The following PARG variants were observed in gnomAD, a reference collection of about 807,000 sequenced individuals.
PARG encodes mitochondrial poly(ADP-ribose) glycohydrolase.
A neutral mutation model predicts 113.0 loss-of-function variants in PARG; 35 were observed. That is an observed-to-expected ratio of 0.31 (90% CI 0.24 to 0.41). PARG has a LOEUF of 0.41. Among genes scored for constraint, PARG ranks in the 10% least tolerant of loss-of-function variants. PARG has a pLI of 1.00. For missense variants in PARG, 797 were observed against 1,169.4 expected, an observed-to-expected ratio of 0.68 and a Z score of 4.64; for synonymous variants, 330 against 409.9, an observed-to-expected ratio of 0.81 and a Z score of 2.36.
At chr10:49,849,755 G>T (rs1296716913) in intron 13 of PARG, among the ~76,000 whole-genome samples, 1 of 152,132 alleles carries the variant, frequency 6.6e-6, no homozygotes, top group African/African-American at 2.4e-5. Flanking sequence ...GCTCATGCCG[G>T]TAAGCCCAGC....
At chr10:49,902,819 G>A (rs1439074561) in intron 7 of PARG, among the ~76,000 whole-genome samples, 10 of 151,900 alleles carry the variant, frequency 6.6e-5, no homozygotes, top group African/African-American at 2.4e-4. Flanking sequence ...AATGAGACTC[G>A]GTCTCTACAA....
In PARG at chr10:49,819,321, A is replaced by G. The variant is rs754520626; in HGVS notation, c.*19T>C. ...CGTCTCTGGTGGGAGGTGGGAGGAGATGCTATTCGCTCGGCTCCTCAGGTC... is the reference window on the plus strand; with the variant it reads ...CGTCTCTGGTGGGAGGTGGGAGGAGGTGCTATTCGCTCGGCTCCTCAGGTC... On this transcript the variant is annotated 3_prime_UTR_variant, in exon 18 of 18. Coordinates refer to ENST00000616448, the MANE Select transcript of PARG (RefSeq NM_003631.5). 68 of 1,545,194 alleles carry G rather than the reference A, an allele frequency of 4.4e-5. 2 individuals carry two copies. In the South Asian group the frequency reaches 7.0e-4, roughly 16 times the overall value.
At chr10:49,922,860 T>C (rs541101235) in intron 4 of PARG, among the ~76,000 whole-genome samples, 191 bp from the exon 5 acceptor site, 1 of 152,320 alleles carries the variant, frequency 6.6e-6, no homozygotes, top group African/African-American at 2.4e-5. Context: ...AGATATAGTA[T>C]ATATTCTAGC....
intron 6 of PARG, among the ~76,000 whole-genome samples, chr10:49,921,414 T>G (rs1232125391): frequency 6.6e-6 from 1 of 152,206 alleles, no homozygotes; most frequent in East Asian, 1.9e-4. Context: ...ATAAACAGTC[T>G]GCTTTTCTTT....
intron 4 of PARG, among the ~76,000 whole-genome samples, chr10:49,925,327 G>C (rs1173116271): frequency 6.6e-6 from 1 of 152,116 alleles, no homozygotes; most frequent in Non-Finnish European, 1.5e-5. Flanking sequence ...TTGGTCTTTA[G>C]AAACCCTTCT....
intron 16 of PARG, among the ~76,000 whole-genome samples, chr10:49,826,661 T>C (rs1844373914): frequency 6.6e-6 from 1 of 152,218 alleles, no homozygotes; most frequent in South Asian, 2.1e-4. Flanking sequence ...GTCATGGAAA[T>C]AAATTAGAAA....
At position 49,819,418 on chromosome 10, in the gene PARG, C is replaced by T; in HGVS notation, c.2853G>A (p.Lys951=). ...CAGCATGGTATATGAATGGATAAAG[C>T]TTGATGTCTGGTCCAGGGGTGGAAC... The part of the protein sequence containing the change: ...RNCSTPGPDI[K]LYPFIYHAVE... The change falls in exon 18 of 18, where the codon AAG becomes AAA. Residue 951 remains lysine, a synonymous_variant. Coordinates refer to ENST00000616448, the MANE Select transcript of PARG (RefSeq NM_003631.5). The T allele has an allele frequency of 6.4e-7, 1 of 1,551,430 alleles. No homozygotes were observed. The highest frequency in any genetic ancestry group is 8.7e-7 in the Non-Finnish European group (1 of 1,146,770).
intron 7 of PARG, among the ~76,000 whole-genome samples, chr10:49,888,738 C>T (rs1157280487): frequency 1.3e-5 from 2 of 152,118 alleles, no homozygotes; most frequent in African/African-American, 4.8e-5. Context: ...TGGTCAGCTT[C>T]TTGAATCTGT....
intron 16 of PARG, 77 bp downstream of exon 16, chr10:49,832,726 A>T: frequency 1.4e-6 from 1 of 702,772 alleles, no homozygotes; most frequent in Non-Finnish European, 2.5e-6. Flanking sequence ...TCATGACAGG[A>T]CATGAGAAAT....
At chr10:49,929,177 G>C (rs1838364523) in intron 4 of PARG, among the ~76,000 whole-genome samples, 1 of 150,890 alleles carries the variant, frequency 6.6e-6, no homozygotes, top group Non-Finnish European at 1.5e-5. Flanking sequence ...AGGATGGTTT[G>C]GGTTTTCTTT....
chr10:49,905,859 G>A (rs1554844820), intron 7 of PARG, among the ~76,000 whole-genome samples: 1 of 152,184 alleles, frequency 6.6e-6, no homozygotes, highest in East Asian at 1.9e-4. Context: ...TGGCCCAGGG[G>A]ATAATCAGGT....
intron 4 of PARG, among the ~76,000 whole-genome samples, chr10:49,928,518 T>C: frequency 6.6e-6 from 1 of 152,154 alleles, no homozygotes; most frequent in Non-Finnish European, 1.5e-5. Flanking sequence ...CAATTTCAGA[T>C]TGCCTTACAT....
At chr10:49,937,391 G>A (rs1160996408) in intron 1 of PARG, among the ~76,000 whole-genome samples, 1 of 151,900 alleles carries the variant, frequency 6.6e-6, no homozygotes, top group Non-Finnish European at 1.5e-5. Context: ...CAGGAGAATG[G>A]CGTGAACCCG....
chr10:49,826,406 T>G (rs1256462646), intron 16 of PARG, among the ~76,000 whole-genome samples: 1 of 152,168 alleles, frequency 6.6e-6, no homozygotes, highest in Non-Finnish European at 1.5e-5. Flanking sequence ...CTAACCACAC[T>G]TCCTATAAAA....
intron 16 of PARG, among the ~76,000 whole-genome samples, chr10:49,822,536 A>G (rs1844153441): frequency 6.6e-6 from 1 of 152,256 alleles, no homozygotes; most frequent in African/African-American, 2.4e-5. Context: ...GAGAAAGCCA[A>G]AGACTAACTG....
intron 16 of PARG, among the ~76,000 whole-genome samples, chr10:49,828,092 CA>C (rs71026274): frequency 0.036 from 1,829 of 50,228 alleles, 6 homozygotes; most frequent in African/African-American, 0.079. Flanking sequence ...AAAGCTTAAA[CA>C]AAAAAAAAAA....
chr10:49,888,317 G>T (rs565165504), intron 7 of PARG, among the ~76,000 whole-genome samples: 80 of 151,830 alleles, frequency 5.3e-4, no homozygotes, highest in Non-Finnish European at 9.7e-4. Flanking sequence ...TTTACTCTTT[G>T]TTGTTCTTTC....
chr10:49,895,862 T>C (rs782150439), intron 7 of PARG, among the ~76,000 whole-genome samples: 1 of 152,236 alleles, frequency 6.6e-6, no homozygotes, highest in Non-Finnish European at 1.5e-5. Flanking sequence ...AAGTATTTTA[T>C]GGTTTTTTAA....
chr10:49,822,058 G>C (rs1430907781), intron 16 of PARG, among the ~76,000 whole-genome samples: 1 of 152,138 alleles, frequency 6.6e-6, no homozygotes, highest in Non-Finnish European at 1.5e-5. Flanking sequence ...TTGTATTAGA[G>C]GAATGAGCAA....
Sources: allele counts gnomAD v4.1 joint callset (sites outside exome capture counted in the v4.1 genomes callset), GRCh38; gene constraint gnomAD v4.1.1; transcripts MANE v1.5; gene names NCBI Gene and HGNC (gene_info 2026-07-23, HGNC 2026-07-21).